Variants in RORB observed in about 807,000 individuals in gnomAD.
RORB encodes the protein nuclear receptor ROR-beta.
Under a neutral mutation model 59.1 loss-of-function variants are expected in RORB, and 6 were observed. The ratio of observed to expected loss-of-function variants is 0.10; its 90% CI spans 0.06 to 0.20. The LOEUF (loss-of-function observed/expected upper bound fraction) is 0.20. Among genes scored for constraint, RORB ranks in the 10% least tolerant of loss-of-function variants. RORB has a pLI of 1.00. For missense variants in RORB, 320 were observed against 560.5 expected (o/e 0.57, Z 4.33); for synonymous variants, 215 against 204.5 (o/e 1.05, Z -0.44).
At chr9:74,642,388 G>A (rs1290957099) in intron 3 of RORB, 26 bp from the exon 4 acceptor site, 2 of 1,582,832 alleles carry the variant, frequency 1.3e-6, no homozygotes. Flanking sequence ...CACAAGTGCT[G>A]TTTTCTGCTT....
At chr9:74,667,742 C>G in intron 7 of RORB, 49 bp from the exon 8 acceptor site, 6 of 1,127,330 alleles carry the variant, frequency 5.3e-6, no homozygotes, top group Non-Finnish European at 8.1e-6. Context: ...TACTCTTGCC[C>G]CATTTCAAGT....
intron 1 of RORB, among the ~76,000 whole-genome samples, chr9:74,600,322 A>C (rs1823035556): frequency 6.6e-6 from 1 of 152,226 alleles, no homozygotes; most frequent in Non-Finnish European, 1.5e-5. Flanking sequence ...CAGACCAAAA[A>C]TATTTTCAGA....
At chr9:74,538,882 CTCAACT>C (rs1469066319) in intron 1 of RORB, among the ~76,000 whole-genome samples, 2 of 152,134 alleles carry the variant, frequency 1.3e-5, no homozygotes, top group African/African-American at 4.8e-5. Flanking sequence ...GGACAATTCA[CTCAACT>C]TCCCTGATCC....
intron 1 of RORB, among the ~76,000 whole-genome samples, chr9:74,524,313 T>G (rs979581053): frequency 2.6e-5 from 4 of 151,850 alleles, no homozygotes; most frequent in Middle Eastern, 3.4e-3. Context: ...ATCCAAAAAG[T>G]GATTCATTTT....
At chr9:74,670,159 C>T (rs925826530) in intron 8 of RORB, among the ~76,000 whole-genome samples, 10 of 151,958 alleles carry the variant, frequency 6.6e-5, no homozygotes, top group Admixed American at 2.0e-4. Context: ...TCTCTGTTAG[C>T]AGCCACATGC....
At chr9:74,669,409 G>A (rs1374803555) in intron 8 of RORB, among the ~76,000 whole-genome samples, 6 of 151,268 alleles carry the variant, frequency 4.0e-5, no homozygotes, top group African/African-American at 1.2e-4. Context: ...AACCCAGGAG[G>A]CAGAGGTTGC....
intron 1 of RORB, among the ~76,000 whole-genome samples, chr9:74,599,856 C>T (rs1485924685): frequency 6.6e-6 from 1 of 152,126 alleles, no homozygotes; most frequent in Admixed American, 6.6e-5. Flanking sequence ...ATGGGACGAA[C>T]TTTAAACATT....
At chr9:74,559,314 A>G (rs10869421) in intron 1 of RORB, among the ~76,000 whole-genome samples, 62,777 of 152,022 alleles carry the variant, frequency 0.41, 13,972 homozygotes, top group East Asian at 0.77. Flanking sequence ...AGAGTGAATC[A>G]TTATACCTTG....
chr9:74,607,891 A>G (rs1823173623), intron 1 of RORB, among the ~76,000 whole-genome samples: 1 of 152,198 alleles, frequency 6.6e-6, no homozygotes, highest in Non-Finnish European at 1.5e-5. Flanking sequence ...TTTTTATTTT[A>G]GCAAGGTTTC....
chr9:74,627,763 G>A (rs55962158), intron 1 of RORB, among the ~76,000 whole-genome samples: 34 of 151,134 alleles, frequency 2.2e-4, no homozygotes, highest in Non-Finnish European at 4.0e-4. Context: ...TTTTGTAATC[G>A]TTATAAACAA....
chr9:74,636,538 T>G (rs1475909881), intron 3 of RORB, among the ~76,000 whole-genome samples: 2 of 152,066 alleles, frequency 1.3e-5, no homozygotes, highest in Non-Finnish European at 2.9e-5. Flanking sequence ...GGAGGGTCAT[T>G]TAACAGAGCC....
At chr9:74,611,378 T>C (rs942041763) in intron 1 of RORB, among the ~76,000 whole-genome samples, 14 of 152,218 alleles carry the variant, frequency 9.2e-5, no homozygotes, top group African/African-American at 3.4e-4. Context: ...AAGATTTTTG[T>C]TTCAACTTCC....
intron 7 of RORB, among the ~76,000 whole-genome samples, chr9:74,667,336 A>G (rs1291323003): frequency 6.6e-6 from 1 of 152,368 alleles, no homozygotes; most frequent in Middle Eastern, 3.4e-3. Context: ...TTAAAAGTCC[A>G]GAATACCCTA....
chr9:74,520,561 C>T (rs1293286205), intron 1 of RORB, among the ~76,000 whole-genome samples: 1 of 151,688 alleles, frequency 6.6e-6, no homozygotes, highest in Non-Finnish European at 1.5e-5. Flanking sequence ...CTACTAGGTT[C>T]TTTTTTAATT....
chr9:74,581,514 C>T (rs1396793318), intron 1 of RORB, among the ~76,000 whole-genome samples: 1 of 152,152 alleles, frequency 6.6e-6, no homozygotes, highest in African/African-American at 2.4e-5. Context: ...GAATTGATTG[C>T]CTTCACAACC....
chr9:74,632,069 G>A (rs1823627823), intron 2 of RORB, among the ~76,000 whole-genome samples: 1 of 152,160 alleles, frequency 6.6e-6, no homozygotes, highest in South Asian at 2.1e-4. Context: ...AAATGGAGAT[G>A]TTTGGCATTT....
At chr9:74,610,153 T>C (rs1475058543) in intron 1 of RORB, among the ~76,000 whole-genome samples, 2 of 152,242 alleles carry the variant, frequency 1.3e-5, no homozygotes, top group Non-Finnish European at 2.9e-5. Context: ...TTGATTATAA[T>C]ACATTGCAAC....
chr9:74,632,948 A>G (rs897961822), intron 2 of RORB, among the ~76,000 whole-genome samples: 1 of 152,174 alleles, frequency 6.6e-6, no homozygotes, highest in Non-Finnish European at 1.5e-5. Flanking sequence ...TCACTGGTTT[A>G]TTAAATAAGG....
intron 1 of RORB, among the ~76,000 whole-genome samples, chr9:74,518,166 C>G (rs1412048728): frequency 6.6e-6 from 1 of 152,016 alleles, no homozygotes; most frequent in Non-Finnish European, 1.5e-5. Context: ...CTCCCTTACT[C>G]TAGTCAAGCC....
Sources: allele counts gnomAD v4.1 joint callset (sites outside exome capture counted in the v4.1 genomes callset), GRCh38; gene constraint gnomAD v4.1.1; transcripts MANE v1.5; gene names NCBI Gene and HGNC (gene_info 2026-07-23, HGNC 2026-07-21).